Variants in DNAI7 observed in about 807,000 individuals in gnomAD.
DNAI7 encodes dynein axonemal intermediate chain 7.
Under a neutral mutation model 86.6 loss-of-function variants are expected in DNAI7, and 78 were observed. The ratio of observed to expected loss-of-function variants is 0.90; its 90% CI spans 0.75 to 1.09. The LOEUF (loss-of-function observed/expected upper bound fraction) is 1.09. Among genes scored for constraint, DNAI7 ranks in the 50% least tolerant of loss-of-function variants. The probability of loss-of-function intolerance (pLI) is 0.00; values close to 1 mark genes in which losing one functional copy is unlikely to be tolerated. For missense variants in DNAI7, 753 were observed against 810.2 expected, an observed-to-expected ratio of 0.93 and a Z score of 0.86; for synonymous variants, 274 against 273.0, an observed-to-expected ratio of 1.00 and a Z score of -0.04.
downstream of DNAI7, chr12:25,107,968 G>C (rs755949382): frequency 1.2e-6 from 2 of 1,614,092 alleles, no homozygotes; most frequent in South Asian, 1.1e-5. Flanking sequence ...TGTGGATGCC[G>C]CTCCCACACA....
At chr12:25,134,466 C>T (rs1206129795) in intron 9 of DNAI7, among the ~76,000 whole-genome samples, 2 of 145,100 alleles carry the variant, frequency 1.4e-5, no homozygotes, top group African/African-American at 2.5e-5. Context: ...AAGTGATTCT[C>T]GTGCCTCAGC....
chr12:25,112,648 T>C (rs914004854), intron 13 of DNAI7, among the ~76,000 whole-genome samples: 8 of 152,044 alleles, frequency 5.3e-5, no homozygotes, highest in East Asian at 3.9e-4. Flanking sequence ...CCTTGTGATC[T>C]GCCCACCTCG....
At chr12:25,148,703 G>T (rs1309534778) in intron 7 of DNAI7, among the ~76,000 whole-genome samples, 1 of 151,958 alleles carries the variant, frequency 6.6e-6, no homozygotes, top group Non-Finnish European at 1.5e-5. Context: ...TATTCAATTT[G>T]TTATAATTGA....
In DNAI7 at chr12:25,113,436, A is replaced by G. The variant is rs1438326643; in HGVS notation, c.1611+1220T>C. On this transcript the variant is annotated intron_variant, in intron 13 of 15. Coordinates refer to ENST00000395987, the MANE Select transcript of DNAI7 (RefSeq NM_018272.5). ...TCCGCCTCGGCCTCCTGAGTAGCTAAGACTACAGGCGTGTGCCACCATGCC... is the reference window on the plus strand; with the variant it reads ...TCCGCCTCGGCCTCCTGAGTAGCTAGGACTACAGGCGTGTGCCACCATGCC... 2.6e-5 allele frequency among the ~76,000 whole-genome samples: 4 copies of G among 151,818 alleles called. No individual in the cohort carries two copies. In the East Asian group the frequency reaches 7.8e-4, roughly 30 times the overall value.
rs777341538 is a variant in DNAI7 at position 25,154,377 on chromosome 12, T to C, written c.380A>G (p.Lys127Arg). ...CTCAAAAGTCTCATTTGTTTTCTCTTTCCACAAACTAATAAACGTGTTCAT... is the reference window on the plus strand; with the variant it reads ...CTCAAAAGTCTCATTTGTTTTCTCTCTCCACAAACTAATAAACGTGTTCAT... ...QEMNTFISLWKEKTNETFEEV... is the reference protein window; with the variant it reads ...QEMNTFISLWREKTNETFEEV... Residue 127 changes from lysine to arginine, a missense_variant, in exon 6 of 16, where the codon AAA becomes AGA. Physicochemically the swap from Lys to Arg is conservative, Grantham distance 26. Transcript: ENST00000395987. The C allele has an allele frequency of 6.2e-7, 1 of 1,611,734 alleles. No homozygotes were observed. Among genetic ancestry groups the C allele is most frequent in the Non-Finnish European group, 8.5e-7 (1 of 1,179,352 alleles).
rs34978943 is a variant in DNAI7 at position 25,111,858 on chromosome 12, T to C, written c.1693A>G (p.Ile565Val). 4.3e-4 allele frequency: 686 copies of C among 1,605,612 alleles called. 1 individual carries two copies. The African/African-American group carries it at 7.4e-3, about 17-fold the overall frequency. ...TCTTTCAAAGCAATAATGAAAGGAA[T>C]AGGAGTCATCCAGGTTCCTTCCAAA... ...SILEGTWMTPIPFIIALKEAG... is the reference protein window; with the variant it reads ...SILEGTWMTPVPFIIALKEAG... The change falls in exon 14 of 16, where the codon ATT becomes GTT. Residue 565 changes from isoleucine (I) to valine (V), a missense_variant. Physicochemically the swap from Ile to Val is conservative, Grantham distance 29. Transcript: ENST00000395987.
At chr12:25,161,692 T>A (rs1946853267) in intron 2 of DNAI7, among the ~76,000 whole-genome samples, 1 of 152,230 alleles carries the variant, frequency 6.6e-6, no homozygotes, top group Admixed American at 6.5e-5. Context: ...GGTATTTAAA[T>A]CTGTGCTCAA....
At chr12:25,163,691 T>G (rs1378694910) in intron 2 of DNAI7, among the ~76,000 whole-genome samples, 1 of 152,150 alleles carries the variant, frequency 6.6e-6, no homozygotes, top group Non-Finnish European at 1.5e-5. Flanking sequence ...CTGCTTTTTG[T>G]TCCATGAGAA....
intron 15 of DNAI7, among the ~76,000 whole-genome samples, chr12:25,109,761 C>A (rs991844625): frequency 5.9e-5 from 9 of 152,172 alleles, no homozygotes; most frequent in Non-Finnish European, 1.2e-4. Flanking sequence ...TCACCACAAC[C>A]TCCACCTCTC....
chr12:25,113,324 T>C (rs1213077370), intron 13 of DNAI7, among the ~76,000 whole-genome samples: 1 of 151,918 alleles, frequency 6.6e-6, no homozygotes, highest in Non-Finnish European at 1.5e-5. Flanking sequence ...GTTTTTGAGA[T>C]GGAGTCTTGC....
intron 2 of DNAI7, among the ~76,000 whole-genome samples, chr12:25,190,002 A>C (rs1014250326): frequency 8.3e-5 from 4 of 48,340 alleles, no homozygotes; most frequent in Middle Eastern, 9.8e-3. Flanking sequence ...AAAAAAAAAA[A>C]AAAAAAGCAC....
chr12:25,170,005 C>T (rs1014413124), intron 2 of DNAI7, among the ~76,000 whole-genome samples: 6 of 152,036 alleles, frequency 3.9e-5, no homozygotes, highest in African/African-American at 1.4e-4. Flanking sequence ...ATACCAAAAG[C>T]GAGCAGGGGT....
intron 2 of DNAI7, among the ~76,000 whole-genome samples, chr12:25,162,736 C>T (rs1408050290): frequency 6.6e-6 from 1 of 152,164 alleles, no homozygotes; most frequent in Non-Finnish European, 1.5e-5. Flanking sequence ...AGTTCATCGC[C>T]CTTATCACTA....
At chr12:25,160,237 G>GCA (rs1475148257) in intron 3 of DNAI7, among the ~76,000 whole-genome samples, 4 of 152,104 alleles carry the variant, frequency 2.6e-5, no homozygotes, top group Non-Finnish European at 4.4e-5. Context: ...AGAATTAGCA[G>GCA]ATTAAAACAT....
intron 1 of DNAI7, among the ~76,000 whole-genome samples, chr12:25,193,791 C>T (rs972735210): frequency 1.3e-4 from 19 of 151,254 alleles, no homozygotes; most frequent in African/African-American, 4.1e-4. Flanking sequence ...ATTTGCATTC[C>T]GCCAGGAATG....
chr12:25,177,317 T>C (rs1210892488), intron 2 of DNAI7, among the ~76,000 whole-genome samples: 1 of 152,178 alleles, frequency 6.6e-6, no homozygotes. Flanking sequence ...AAACCCTGTA[T>C]ACCATTAAAC....
intron 6 of DNAI7, among the ~76,000 whole-genome samples, chr12:25,150,942 A>G (rs895684389): frequency 5.9e-5 from 9 of 152,354 alleles, no homozygotes; most frequent in African/African-American, 2.2e-4. Context: ...ATATGTTTTA[A>G]TGCATTCATT....
intron 8 of DNAI7, 54 bp from the exon 9 acceptor site, chr12:25,144,731 C>T: frequency 2.2e-6 from 3 of 1,370,304 alleles, no homozygotes; most frequent in Non-Finnish European, 3.0e-6. Flanking sequence ...AACTCTAGAT[C>T]TGTGTCAAAT....
chr12:25,142,606 G>A (rs1254399400), intron 9 of DNAI7, among the ~76,000 whole-genome samples: 1 of 152,076 alleles, frequency 6.6e-6, no homozygotes, highest in African/African-American at 2.4e-5. Flanking sequence ...CCATGTAAAT[G>A]CAAGTAATAG....
Sources: allele counts gnomAD v4.1 joint callset (sites outside exome capture counted in the v4.1 genomes callset), GRCh38; gene constraint gnomAD v4.1.1; transcripts MANE v1.5; gene names NCBI Gene and HGNC (gene_info 2026-07-23, HGNC 2026-07-21).